The following GPHN variants were observed in gnomAD, a reference collection of about 807,000 sequenced individuals.
GPHN encodes the protein gephyrin.
GPHN carries 17 observed loss-of-function variants against 95.5 expected under a neutral mutation model. The observed-to-expected ratio is 0.18, with a 90% CI of 0.12 to 0.27. The LOEUF (loss-of-function observed/expected upper bound fraction) is 0.27, where lower values mean the gene tolerates loss of function less well. Ranked by LOEUF, GPHN falls within the 10% of genes least tolerant of loss-of-function variation. The pLI, the probability that GPHN is intolerant of heterozygous loss-of-function variation, is 1.00. For synonymous variants in GPHN, 320 were observed against 322.5 expected (o/e 0.99, Z 0.08); for missense variants, 660 against 978.1 (o/e 0.67, Z 4.34).
At chr14:66,864,683 G>C (rs900686502) in intron 4 of GPHN, among the ~76,000 whole-genome samples, 6 of 152,060 alleles carry the variant, frequency 3.9e-5, no homozygotes, top group African/African-American at 1.4e-4. Context: ...TGAGACAGGA[G>C]AATCACTGAA....
At chr14:66,642,093 G>A (rs561401218) in intron 1 of GPHN, among the ~76,000 whole-genome samples, 1 of 152,292 alleles carries the variant, frequency 6.6e-6, no homozygotes, top group Admixed American at 6.5e-5. Flanking sequence ...ATCCAGTGTG[G>A]TAGGCAGAAT....
At chr14:67,290,052 G>A in the GPHN span, among the ~76,000 whole-genome samples, 5 of 152,116 alleles carry the variant, frequency 3.3e-5, no homozygotes, top group African/African-American at 7.2e-5. Flanking sequence ...GATTACAGGC[G>A]TGAGCCACTG....
chr14:67,356,145 T>G, the GPHN span, among the ~76,000 whole-genome samples: 17 of 151,976 alleles, frequency 1.1e-4, no homozygotes, highest in Non-Finnish European at 1.9e-4. Flanking sequence ...TTTGGCCAGG[T>G]GCAGTGGCTC....
At chr14:67,234,251 AT>A in the GPHN span, among the ~76,000 whole-genome samples, 1 of 152,224 alleles carries the variant, frequency 6.6e-6, no homozygotes, top group African/African-American at 2.4e-5. Context: ...GAAGTAAAAT[AT>A]TCAATTTTAG....
chr14:67,561,915 G>A, the GPHN span: 2 of 1,428,212 alleles, frequency 1.4e-6, no homozygotes, highest in Non-Finnish European at 2.0e-6. Flanking sequence ...TAAACCTGTA[G>A]GCTGGGTGTC....
chr14:66,603,705 T>C (rs958370225), intron 1 of GPHN, among the ~76,000 whole-genome samples: 4 of 152,048 alleles, frequency 2.6e-5, no homozygotes, highest in African/African-American at 9.6e-5. Context: ...TATATTTAAA[T>C]ATTTATCTTG....
At chr14:67,486,827 G>A in the GPHN span, among the ~76,000 whole-genome samples, 34 of 152,302 alleles carry the variant, frequency 2.2e-4, no homozygotes, top group Non-Finnish European at 2.2e-4. Flanking sequence ...GACGGCTCCC[G>A]CATGTGATGG....
chr14:66,578,977 A>G (rs575315123), intron 1 of GPHN, among the ~76,000 whole-genome samples: 12 of 151,990 alleles, frequency 7.9e-5, no homozygotes, highest in African/African-American at 2.9e-4. Flanking sequence ...TATCTTTAGT[A>G]AGAAGGTTAA....
At chr14:67,728,753 A>G in the GPHN span, among the ~76,000 whole-genome samples, 1 of 150,212 alleles carries the variant, frequency 6.7e-6, no homozygotes, top group Non-Finnish European at 1.5e-5. Flanking sequence ...CCCTCAATCT[A>G]TACCTCATGA....
At chr14:67,102,450 C>T (rs941871196) in intron 13 of GPHN, among the ~76,000 whole-genome samples, 1 of 151,666 alleles carries the variant, frequency 6.6e-6, no homozygotes, top group Admixed American at 6.6e-5. Context: ...AACCTGAGTT[C>T]GGGAGTTTAA....
chr14:67,014,953 G>A (rs1223303795), intron 9 of GPHN, among the ~76,000 whole-genome samples: 1 of 152,058 alleles, frequency 6.6e-6, no homozygotes, highest in Non-Finnish European at 1.5e-5. Flanking sequence ...GGTTCAACTT[G>A]GAATTAAAGC....
intron 4 of GPHN, among the ~76,000 whole-genome samples, chr14:66,868,293 C>G (rs2063303011): frequency 6.6e-6 from 1 of 152,110 alleles, no homozygotes; most frequent in Non-Finnish European, 1.5e-5. Context: ...TTAATAAAAT[C>G]ATGTCTATAA....
chr14:67,324,897 ATTT>A, the GPHN span, among the ~76,000 whole-genome samples: 2 of 76,332 alleles, frequency 2.6e-5, no homozygotes, highest in African/African-American at 5.8e-5. Context: ...CCTTCCTTTC[ATTT>A]TTTTTTTTTT....
chr14:67,382,717 T>G, the GPHN span: 1 of 1,083,684 alleles, frequency 9.2e-7, no homozygotes, highest in Non-Finnish European at 1.4e-6. Flanking sequence ...CTTTGATCAC[T>G]AATGGTGTTA....
chr14:67,698,248 T>C, the GPHN span, among the ~76,000 whole-genome samples: 1 of 152,230 alleles, frequency 6.6e-6, no homozygotes, highest in African/African-American at 2.4e-5. Context: ...TAATTTCAGG[T>C]GGTTTATAGA....
the GPHN span, chr14:67,473,105 C>A: frequency 5.6e-6 from 2 of 359,900 alleles, no homozygotes; most frequent in Non-Finnish European, 1.0e-5. This position sits in a 1 kb window ranked among gnomAD's most constrained non-coding sequence, Gnocchi z 6.5. Context: ...CAGGACAGGG[C>A]CTGCTGCTTC....
At chr14:67,185,233 A>G (rs775908264), downstream of GPHN, among the ~76,000 whole-genome samples, 1 of 152,168 alleles carries the variant, frequency 6.6e-6, no homozygotes, top group African/African-American at 2.4e-5. Context: ...AGTGGTGGGC[A>G]TGTTAACAAT....
chr14:67,081,035 T>C (rs1016257283), intron 11 of GPHN, among the ~76,000 whole-genome samples: 7 of 152,328 alleles, frequency 4.6e-5, no homozygotes, highest in Middle Eastern at 6.8e-3. Flanking sequence ...GCTGGTTCCA[T>C]ATTTTTGCAA....
chr14:67,317,519 A>G, the GPHN span: 2 of 1,419,688 alleles, frequency 1.4e-6, no homozygotes, highest in Non-Finnish European at 2.0e-6. Flanking sequence ...TTATATCTGA[A>G]AGGAGTCTAA....
Sources: gnomAD v4.1 joint callset for allele counts (sites outside exome capture counted in the v4.1 genomes callset) on GRCh38, gnomAD v4.1.1 for gene constraint, Gnocchi (gnomAD v3.1) non-coding constraint, MANE v1.5 for transcripts, NCBI Gene and HGNC (gene_info 2026-07-23, HGNC 2026-07-21) for gene names.